The following ADAMTS17 variants were observed in gnomAD, a reference collection of about 807,000 sequenced individuals.
ADAMTS17 encodes A disintegrin and metalloproteinase with thrombospondin motifs 17.
A neutral mutation model predicts 141.5 loss-of-function variants in ADAMTS17; 113 were observed. The ratio of observed to expected loss-of-function variants is 0.80; its 90% CI spans 0.69 to 0.93. ADAMTS17 has a LOEUF of 0.93. Among genes scored for constraint, ADAMTS17 ranks in the 40% least tolerant of loss-of-function variants. The pLI is 0.00. For missense variants in ADAMTS17, 1,659 were observed against 1,517.9 expected, an observed-to-expected ratio of 1.09 and a Z score of -1.54; for synonymous variants, 768 against 630.6, an observed-to-expected ratio of 1.22 and a Z score of -3.27.
At chr15:100,215,227 C>G (rs144144332) in intron 7 of ADAMTS17, among the ~76,000 whole-genome samples, 1 of 152,212 alleles carries the variant, frequency 6.6e-6, no homozygotes, top group Non-Finnish European at 1.5e-5. Flanking sequence ...GTTGGTGAAG[C>G]AAACTTCCCA....
intron 3 of ADAMTS17, among the ~76,000 whole-genome samples, chr15:100,301,889 T>C (rs1360938611): frequency 1.3e-5 from 2 of 152,266 alleles, no homozygotes; most frequent in African/African-American, 4.8e-5. Flanking sequence ...ATTTATGTTT[T>C]ACATCTTCCC....
intron 12 of ADAMTS17, among the ~76,000 whole-genome samples, chr15:100,123,582 T>C (rs550107677): frequency 5.9e-5 from 9 of 152,208 alleles, no homozygotes; most frequent in Non-Finnish European, 8.8e-5. Context: ...AAGAGGCACT[T>C]TCACATAAAC....
rs28533212 is a variant in ADAMTS17, at chr15:100,261,288, C to T, written c.1031+191G>A. 0.089 allele frequency among the ~76,000 whole-genome samples: 13,494 copies of T among 152,240 alleles called. 1,594 individuals carry two copies. Among genetic ancestry groups the T allele is most frequent in the African/African-American group, 0.27 (11,204 of 41,494 alleles). ...ACAAAGAGGGACACAGCTACATGCC[C>T]AGGCATCGTACCTACCTCAGAGGTG... On this transcript the variant is annotated intron_variant, in intron 6 of 21. Coordinates refer to ENST00000268070, the MANE Select transcript of ADAMTS17 (RefSeq NM_139057.4).
intron 4 of ADAMTS17, among the ~76,000 whole-genome samples, chr15:100,270,129 TG>T (rs2043853281): frequency 3.3e-5 from 4 of 121,032 alleles, no homozygotes; most frequent in Admixed American, 8.0e-5. Flanking sequence ...TCTGTGACTC[TG>T]GAGCCATTTC....
rs145157868 is a variant in ADAMTS17, at chr15:100,008,996, T to C, written c.2592-11407A>G. ...CTGGGACGACAGGCGTGTGTCACCA[T>C]GCCCGGCTAATTTTTTGATTTTCTG... is the stretch of plus-strand genomic sequence containing the variant. On this transcript the variant is annotated intron_variant, in intron 18 of 21. Transcript: ENST00000268070. Among the ~76,000 whole-genome samples, 19 of 152,272 alleles carry C rather than the reference T, an allele frequency of 1.2e-4. No individual in the cohort carries two copies. In the East Asian group the frequency reaches 2.3e-3, roughly 19 times the overall value.
intron 3 of ADAMTS17, among the ~76,000 whole-genome samples, chr15:100,291,358 C>G (rs1352836228): frequency 2.0e-5 from 3 of 152,066 alleles, no homozygotes; most frequent in African/African-American, 7.2e-5. Flanking sequence ...CAGATGCTGG[C>G]GAGGTTGTAG....
chr15:99,983,650 G>A (rs2060525337), intron 20 of ADAMTS17, among the ~76,000 whole-genome samples: 1 of 151,940 alleles, frequency 6.6e-6, no homozygotes, highest in African/African-American at 2.4e-5. Flanking sequence ...CCTGCAGAGT[G>A]GCCCAGGCAG....
At chr15:100,320,898 G>T (rs908516629) in intron 3 of ADAMTS17, among the ~76,000 whole-genome samples, 25 of 152,116 alleles carry the variant, frequency 1.6e-4, no homozygotes, top group Non-Finnish European at 5.9e-5. Flanking sequence ...TAATAATTTA[G>T]CCATTTGCAA....
chr15:100,120,074 G>A (rs950659984), intron 12 of ADAMTS17, among the ~76,000 whole-genome samples: 7 of 152,274 alleles, frequency 4.6e-5, no homozygotes, highest in African/African-American at 1.2e-4. Flanking sequence ...CTAGACTGAC[G>A]TGAACTATAT....
At chr15:100,179,270 A>C (rs562730457) in intron 8 of ADAMTS17, among the ~76,000 whole-genome samples, 4 of 152,054 alleles carry the variant, frequency 2.6e-5, no homozygotes, top group Non-Finnish European at 5.9e-5. Context: ...TCTACTCTCT[A>C]TGAGTTCAAT....
At chr15:100,203,688 G>C (rs2041426183) in intron 7 of ADAMTS17, among the ~76,000 whole-genome samples, 1 of 152,128 alleles carries the variant, frequency 6.6e-6, no homozygotes, top group Non-Finnish European at 1.5e-5. Context: ...CTGAGAGACA[G>C]AGCAAGACTC....
At chr15:100,260,540 G>A (rs1449068847) in intron 6 of ADAMTS17, among the ~76,000 whole-genome samples, 1 of 151,818 alleles carries the variant, frequency 6.6e-6, no homozygotes, top group Non-Finnish European at 1.5e-5. Context: ...CTTGAACCCA[G>A]GACGCAGAGG....
intron 7 of ADAMTS17, among the ~76,000 whole-genome samples, chr15:100,242,482 C>T (rs2042857252): frequency 6.6e-6 from 1 of 152,204 alleles, no homozygotes; most frequent in African/African-American, 2.4e-5. Flanking sequence ...ACTGGCATGT[C>T]CTTAAGAACA....
intron 8 of ADAMTS17, 85 bp downstream of exon 8, chr15:100,199,233 T>C (rs2041230156): frequency 1.6e-6 from 2 of 1,285,790 alleles, no homozygotes; most frequent in Non-Finnish European, 2.3e-6. Flanking sequence ...AGCAGCACTG[T>C]TTTAGAACTT....
At chr15:100,256,997 C>G (rs546900148) in intron 6 of ADAMTS17, 1 of 152,470 alleles carries the variant, frequency 6.6e-6, no homozygotes, top group Non-Finnish European at 1.5e-5. Context: ...GTCATGCTCA[C>G]GTCCTCCATG....
chr15:100,075,697 G>T (rs2034324473), intron 15 of ADAMTS17, among the ~76,000 whole-genome samples: 1 of 152,066 alleles, frequency 6.6e-6, no homozygotes, highest in Non-Finnish European at 1.5e-5. Flanking sequence ...TCTTTTTTCT[G>T]ATCTATTTGC....
chr15:100,339,122 C>G, intron 2 of ADAMTS17: 1 of 985,506 alleles, frequency 1.0e-6, no homozygotes, highest in Non-Finnish European at 1.2e-6. Flanking sequence ...CCGCCACTGG[C>G]ACACACTGAA....
intron 12 of ADAMTS17, among the ~76,000 whole-genome samples, chr15:100,127,194 C>CA (rs1222728776): frequency 6.6e-6 from 1 of 152,102 alleles, no homozygotes; most frequent in East Asian, 1.9e-4. Flanking sequence ...TCGGAACCTG[C>CA]AAATGAGACC....
chr15:100,033,281 G>T (rs2030362289), intron 18 of ADAMTS17, among the ~76,000 whole-genome samples: 1 of 152,170 alleles, frequency 6.6e-6, no homozygotes, highest in Non-Finnish European at 1.5e-5. Flanking sequence ...GTAACAGGTT[G>T]TACCACACCC....
Sources: allele counts gnomAD v4.1 joint callset (sites outside exome capture counted in the v4.1 genomes callset), GRCh38; gene constraint gnomAD v4.1.1; transcripts MANE v1.5; gene names NCBI Gene and HGNC (gene_info 2026-07-23, HGNC 2026-07-21).